Variants in PCSK2 observed in about 807,000 individuals in gnomAD.
PCSK2 encodes the protein proprotein convertase subtilisin/kexin type 2.
Under a neutral mutation model 69.7 loss-of-function variants are expected in PCSK2, and 14 were observed. That is an observed-to-expected ratio of 0.20 (90% CI 0.13 to 0.31). PCSK2 has a LOEUF of 0.31. Among genes scored for constraint, PCSK2 ranks in the 10% least tolerant of loss-of-function variants. The probability of loss-of-function intolerance (pLI) is 1.00; values close to 1 mark genes in which losing one functional copy is unlikely to be tolerated. For missense variants in PCSK2, 544 were observed against 842.5 expected, an observed-to-expected ratio of 0.65 and a Z score of 4.39; for synonymous variants, 307 against 320.7, an observed-to-expected ratio of 0.96 and a Z score of 0.46.
At chr20:17,445,716 G>A (rs1258575526) in intron 8 of PCSK2, among the ~76,000 whole-genome samples, 1 of 152,236 alleles carries the variant, frequency 6.6e-6, no homozygotes, top group Non-Finnish European at 1.5e-5. Context: ...GGCAGACGAT[G>A]AATGCCTCCT....
chr20:17,227,049 C>T lies in PCSK2; in HGVS notation c.-257C>T, dbSNP rs1985938714. ...GCACAGACCTACACTCGCTCTTTCT[C>T]TCCGGTACACACAGCTCCCCACATT... is the stretch of plus-strand genomic sequence containing the variant. On this transcript the variant is annotated 5_prime_UTR_variant, in exon 1 of 12. Coordinates refer to ENST00000262545, the MANE Select transcript of PCSK2 (RefSeq NM_002594.5). 2.1e-6 allele frequency: 1 copy of T among 476,428 alleles called. No individual in the cohort carries two copies. The highest frequency in any genetic ancestry group is 3.7e-6 in the Non-Finnish European group (1 of 269,354). The allele number at this position is 476,428 out of a possible 1,614,324, so 29.5% of individuals were successfully genotyped here. A position where few individuals can be genotyped will look rare whatever the true frequency, so the allele number is the denominator to read the frequency against.
intron 11 of PCSK2, among the ~76,000 whole-genome samples, chr20:17,477,029 A>G (rs761018): frequency 0.28 from 43,092 of 152,068 alleles, 6,168 homozygotes; most frequent in East Asian, 0.39. Context: ...GCAGTACTCC[A>G]TGAAACCGTT....
At chr20:17,289,944 T>G (rs984500738) in intron 2 of PCSK2, among the ~76,000 whole-genome samples, 3 of 152,246 alleles carry the variant, frequency 2.0e-5, no homozygotes, top group African/African-American at 7.2e-5. Context: ...TCTGATTATT[T>G]GCAGAAGATA....
rs184235760 is a variant in PCSK2 at position 17,350,429 on chromosome 20, G to T, written c.283-7898G>T. Among the ~76,000 whole-genome samples, 163 of 151,832 alleles carry T rather than the reference G, an allele frequency of 1.1e-3. 1 individual carries two copies. Among genetic ancestry groups the T allele is most frequent in the African/African-American group, 3.8e-3 (158 of 41,392 alleles). On this transcript the variant is annotated intron_variant, in intron 2 of 11. Transcript: ENST00000262545. Reference sequence around the variant, plus strand: ...ACGTCCCTCACCATCTTTGGAGCAGGTTTCCCCTTTGCTCCCCTTTCTCCT... The same window carrying T: ...ACGTCCCTCACCATCTTTGGAGCAGTTTTCCCCTTTGCTCCCCTTTCTCCT...
At chr20:17,339,785 A>G (rs542476188) in intron 2 of PCSK2, among the ~76,000 whole-genome samples, 9 of 152,264 alleles carry the variant, frequency 5.9e-5, no homozygotes, top group Admixed American at 5.9e-4. Flanking sequence ...CTCCCCTGTC[A>G]TTGCTGCCCT....
intron 4 of PCSK2, among the ~76,000 whole-genome samples, chr20:17,366,057 A>G (rs1007562194): frequency 6.6e-6 from 1 of 152,122 alleles, no homozygotes; most frequent in African/African-American, 2.4e-5. Context: ...GGGGTTTTCT[A>G]TGGTAGCCCC....
intron 5 of PCSK2, among the ~76,000 whole-genome samples, chr20:17,370,236 T>A (rs1372200339): frequency 6.6e-6 from 1 of 152,180 alleles, no homozygotes; most frequent in African/African-American, 2.4e-5. Flanking sequence ...AGACTCATAT[T>A]TAGAGAACAA....
chr20:17,348,394 G>A (rs933768150), intron 2 of PCSK2, among the ~76,000 whole-genome samples: 1 of 152,228 alleles, frequency 6.6e-6, no homozygotes, highest in Non-Finnish European at 1.5e-5. Flanking sequence ...AAAAACATTA[G>A]CAAAATTATA....
At chr20:17,263,582 T>C (rs1427762594) in intron 2 of PCSK2, among the ~76,000 whole-genome samples, 1 of 152,238 alleles carries the variant, frequency 6.6e-6, no homozygotes, top group Non-Finnish European at 1.5e-5. Context: ...TCATTTTATA[T>C]TTTCCTCCGT....
chr20:17,378,380 T>C (rs2030989438), intron 5 of PCSK2, among the ~76,000 whole-genome samples: 1 of 152,084 alleles, frequency 6.6e-6, no homozygotes, highest in Non-Finnish European at 1.5e-5. Flanking sequence ...AGCCTAGACT[T>C]AAAAAGTAGC....
At chr20:17,411,734 T>G (rs377537617) in intron 6 of PCSK2, among the ~76,000 whole-genome samples, 24 of 152,220 alleles carry the variant, frequency 1.6e-4, no homozygotes, top group Non-Finnish European at 2.9e-5. Flanking sequence ...CTTACCCCCA[T>G]GTAGCCTAAC....
intron 1 of PCSK2, among the ~76,000 whole-genome samples, chr20:17,245,622 T>C (rs1005786103): frequency 2.6e-5 from 4 of 152,150 alleles, no homozygotes; most frequent in African/African-American, 9.7e-5. Context: ...GCCTCATCTG[T>C]AATTGATAGG....
At chr20:17,309,848 GGAA>G (rs1340946084) in intron 2 of PCSK2, among the ~76,000 whole-genome samples, 4 of 147,160 alleles carry the variant, frequency 2.7e-5, no homozygotes, top group African/African-American at 1.0e-4. Flanking sequence ...AAGAGGAAGA[GGAA>G]GAAGAAGAAG....
chr20:17,392,598 C>T (rs2031411541), intron 5 of PCSK2, among the ~76,000 whole-genome samples: 1 of 152,186 alleles, frequency 6.6e-6, no homozygotes, highest in Admixed American at 6.5e-5. Context: ...TGCCCCTTTT[C>T]CCACTCGCAG....
At chr20:17,417,648 A>G (rs1600563893) in intron 6 of PCSK2, among the ~76,000 whole-genome samples, 1 of 152,168 alleles carries the variant, frequency 6.6e-6, no homozygotes, top group Non-Finnish European at 1.5e-5. Flanking sequence ...AAACATCACC[A>G]TTACCCTGAA....
rs575529804 is a variant in PCSK2 at position 17,294,357 on chromosome 20, C to T, written c.282+34013C>T. ...TCCTGACCTCGTGATCCACCCGCCT[C>T]GGCCTCCCAAAGTGCTGGGATTACA... On this transcript the variant is annotated intron_variant, in intron 2 of 11. Transcript: ENST00000262545. 1.1e-4 allele frequency among the ~76,000 whole-genome samples: 16 copies of T among 152,056 alleles called. No individual in the cohort carries two copies. In the East Asian group the frequency reaches 1.4e-3, roughly 13 times the overall value.
chr20:17,457,346 C>G (rs560791022), intron 10 of PCSK2, among the ~76,000 whole-genome samples: 5 of 152,298 alleles, frequency 3.3e-5, no homozygotes, highest in Admixed American at 3.3e-4. Flanking sequence ...CTGCTTGTCT[C>G]TCTCCACATA....
chr20:17,449,296 A>G lies in PCSK2; in HGVS notation c.886-4446A>G, dbSNP rs550133461. Among the ~76,000 whole-genome samples, 21 of 152,218 alleles carry G rather than the reference A, an allele frequency of 1.4e-4. No individual in the cohort carries two copies. The East Asian group carries it at 2.3e-3, about 17-fold the overall frequency. On this transcript the variant is annotated intron_variant, in intron 8 of 11. Transcript: ENST00000262545. ...CACCCACAGTGCTGGCTCTTGGGTC[A>G]TGGCCTCCCTTTGTCCTTCAGCTCC...
rs141781018 is a variant in PCSK2 at position 17,460,397 on chromosome 20, G to A, written c.1202+3949G>A. On this transcript the variant is annotated intron_variant, in intron 10 of 11. Transcript: ENST00000262545. ...TGGCTAGAACTGTCACATGACCACC[G>A]CCACACTTCAAGGGAGGCTGGGAAA... 2.6e-3 allele frequency among the ~76,000 whole-genome samples: 391 copies of A among 152,252 alleles called. 5 individuals carry two copies. The highest frequency in any genetic ancestry group is 8.1e-3 in the African/African-American group (337 of 41,536).
Sources: gnomAD v4.1 joint callset for allele counts (sites outside exome capture counted in the v4.1 genomes callset) on GRCh38, gnomAD v4.1.1 for gene constraint, MANE v1.5 for transcripts, NCBI Gene and HGNC (gene_info 2026-07-23, HGNC 2026-07-21) for gene names.